The following MAPK6 variants were observed in gnomAD, a reference collection of about 807,000 sequenced individuals.
MAPK6 encodes mitogen-activated protein kinase 6, also known as ERK-3.
In MAPK6, 19 loss-of-function variants were observed where a neutral mutation model predicts 59.3. That is an observed-to-expected ratio of 0.32 (90% CI 0.22 to 0.47). The LOEUF (loss-of-function observed/expected upper bound fraction) is 0.47. Ranked by LOEUF, MAPK6 falls within the 20% of genes least tolerant of loss-of-function variation. The pLI, the probability that MAPK6 is intolerant of heterozygous loss-of-function variation, is 1.00. For synonymous variants in MAPK6, 316 were observed against 290.3 expected, an observed-to-expected ratio of 1.09 and a Z score of -0.90; for missense variants, 724 against 847.9, an observed-to-expected ratio of 0.85 and a Z score of 1.81.
chr15:52,061,525 ATAATATT>A, intron 5 of MAPK6, 25 bp downstream of exon 5: 1 of 1,554,210 alleles, frequency 6.4e-7, no homozygotes, highest in South Asian at 1.1e-5. Flanking sequence ...AATTAGAAAA[ATAATATT>A]TACTGAACTT....
chr15:52,059,909 A>G (rs752178374), intron 4 of MAPK6, among the ~76,000 whole-genome samples: 1 of 152,238 alleles, frequency 6.6e-6, no homozygotes, highest in Non-Finnish European at 1.5e-5. Flanking sequence ...GGCAGTGGCA[A>G]CTTGGTAAAA....
intron 2 of MAPK6, among the ~76,000 whole-genome samples, chr15:51,995,518 C>G (rs915923093): frequency 2.1e-4 from 32 of 152,188 alleles, no homozygotes; most frequent in African/African-American, 6.8e-4. Context: ...TGAGTAGTAA[C>G]TCCTGCAAGA....
At chr15:52,062,169 C>T (rs1172499843) in intron 5 of MAPK6, among the ~76,000 whole-genome samples, 1 of 150,754 alleles carries the variant, frequency 6.6e-6, no homozygotes, top group Non-Finnish European at 1.5e-5. Context: ...CCTGCCTCAG[C>T]CTCCCGAGTA....
At chr15:52,050,621 A>AT (rs1414604245) in intron 3 of MAPK6, among the ~76,000 whole-genome samples, 1 of 152,256 alleles carries the variant, frequency 6.6e-6, no homozygotes, top group Non-Finnish European at 1.5e-5. Context: ...GTCTTGTGTC[A>AT]TAAAGCAAAG....
At chr15:51,971,921 T>C (rs372531353) in intron 1 of MAPK6, 1 of 641,892 alleles carries the variant, frequency 1.6e-6, no homozygotes, top group Admixed American at 2.5e-5. Context: ...GCATGGTATA[T>C]AAGCCCGGCC....
intron 2 of MAPK6, among the ~76,000 whole-genome samples, chr15:51,993,473 T>C (rs774485859): frequency 6.6e-6 from 1 of 152,156 alleles, no homozygotes; most frequent in African/African-American, 2.4e-5. Context: ...ATAGCAGGAA[T>C]CAAGTTTCTC....
intron 1 of MAPK6, among the ~76,000 whole-genome samples, chr15:52,025,867 A>G (rs2030753723): frequency 6.6e-6 from 1 of 152,216 alleles, no homozygotes; most frequent in African/African-American, 2.4e-5. Flanking sequence ...CCACTCTAAA[A>G]TCTAAGCTGT....
intron 2 of MAPK6, among the ~76,000 whole-genome samples, chr15:51,998,687 A>ATTTGTTTTTTTTTTTTTT: frequency 2.6e-5 from 1 of 38,472 alleles, no homozygotes; most frequent in Non-Finnish European, 4.6e-5. Context: ...TGCCTGGTTA[A>ATTTGTTTTTTTTTTTTTT]TTTTTTTTTT....
At chr15:52,034,356 C>G (rs1379212836) in intron 1 of MAPK6, among the ~76,000 whole-genome samples, 1 of 148,598 alleles carries the variant, frequency 6.7e-6, no homozygotes, top group Non-Finnish European at 1.5e-5. Context: ...CTCTGTTACC[C>G]ATACTGGAGC....
At chr15:51,982,840 A>G (rs1387799341) in intron 1 of MAPK6, among the ~76,000 whole-genome samples, 1 of 152,238 alleles carries the variant, frequency 6.6e-6, no homozygotes, top group African/African-American at 2.4e-5. Flanking sequence ...CTTGGGCTCC[A>G]TAAGATGAAA....
At chr15:52,021,198 T>C (rs1416851910) in intron 1 of MAPK6, among the ~76,000 whole-genome samples, 1 of 152,126 alleles carries the variant, frequency 6.6e-6, no homozygotes, top group Admixed American at 6.6e-5. Context: ...TTACATAAAT[T>C]CATTTAAAGC....
rs1566917757 is a variant in MAPK6, at chr15:52,066,465, C to G, written c.*1465C>G. The G allele has an allele frequency of 6.6e-6, 1 of 152,324 alleles. No individual in the cohort carries two copies. The highest frequency in any genetic ancestry group is 1.9e-4 in the East Asian group (1 of 5,192). The allele number at this position is 152,324 out of a possible 1,614,324, so 9.4% of individuals were successfully genotyped here. On this transcript the variant is annotated 3_prime_UTR_variant, in exon 6 of 6. Coordinates refer to ENST00000261845, the MANE Select transcript of MAPK6 (RefSeq NM_002748.4). ...TGTTAGGTAAAATGTGTAGTTGAAA[C>G]TTTGAACTGTGCAGTCAGAAAACTT...
intron 1 of MAPK6, among the ~76,000 whole-genome samples, chr15:51,975,126 G>C (rs1047460345): frequency 5.3e-5 from 8 of 151,882 alleles, no homozygotes; most frequent in Non-Finnish European, 5.9e-5. Flanking sequence ...GGTGAAGCTA[G>C]ATCCTCAGAA....
At chr15:51,990,982 G>A (rs993828694) in intron 2 of MAPK6, among the ~76,000 whole-genome samples, 3 of 151,686 alleles carry the variant, frequency 2.0e-5, no homozygotes, top group African/African-American at 7.3e-5. Flanking sequence ...AACAAAATTA[G>A]TCGGGTGTGA....
chr15:52,041,942 C>T (rs370602127), intron 1 of MAPK6, among the ~76,000 whole-genome samples: 1 of 152,210 alleles, frequency 6.6e-6, no homozygotes, highest in East Asian at 1.9e-4. Flanking sequence ...ACATGATAAA[C>T]TCCATGAGGG....
rs2057128639 is a variant in MAPK6 at position 51,971,908 on chromosome 15, T to G, written c.-880+2T>G. 1 of 693,946 alleles carries G rather than the reference T, an allele frequency of 1.4e-6. No individual in the cohort carries two copies. Among genetic ancestry groups the G allele is most frequent in the Non-Finnish European group, 2.6e-6 (1 of 388,948 alleles). 43.0% of individuals were successfully genotyped at this position (693,946 alleles called of 1,614,324 possible). The stretch of plus-strand genomic sequence containing the variant: ...CCCAGTGAACCTGTTCTCGCCTGGG[T>G]ATGCATGGTATATAAGCCCGGCCAT... On this transcript the variant is annotated splice_donor_variant, in intron 1 of 7. Transcript: ENST00000691380. LOFTEE classifies it low-confidence loss of function (5UTR_SPLICE).
At chr15:52,062,162 G>A (rs1430926876) in intron 5 of MAPK6, among the ~76,000 whole-genome samples, 1 of 148,904 alleles carries the variant, frequency 6.7e-6, no homozygotes, top group Non-Finnish European at 1.5e-5. Context: ...TCACTGTCCT[G>A]CCTCAGCCTC....
chr15:52,013,020 AATATATAT>A (rs71130116), intron 3 of MAPK6, among the ~76,000 whole-genome samples: 271 of 19,066 alleles, frequency 0.014, 7 homozygotes, highest in African/African-American at 0.024. Context: ...AAAAAAAAAA[AATATATAT>A]ATATATATAT....
chr15:51,977,006 T>C (rs1365850033), intron 1 of MAPK6, among the ~76,000 whole-genome samples: 2 of 151,462 alleles, frequency 1.3e-5, no homozygotes, highest in African/African-American at 4.8e-5. Flanking sequence ...TTATTATTAT[T>C]ATTTTTGGGG....
Sources: allele counts gnomAD v4.1 joint callset (sites outside exome capture counted in the v4.1 genomes callset), GRCh38; gene constraint gnomAD v4.1.1; transcripts MANE v1.5; gene names NCBI Gene and HGNC (gene_info 2026-07-23, HGNC 2026-07-21).